Variants in POLR1A observed in about 807,000 individuals in gnomAD.
POLR1A encodes the protein DNA-directed RNA polymerase I subunit RPA1.
A neutral mutation model predicts 205.3 loss-of-function variants in POLR1A; 84 were observed. The observed-to-expected ratio is 0.41, with a 90% confidence interval of 0.34 to 0.49. POLR1A has a LOEUF of 0.49. Ranked by LOEUF, POLR1A falls within the 20% of genes least tolerant of loss-of-function variation. The pLI is 0.22. For synonymous variants in POLR1A, 799 were observed against 863.7 expected, an observed-to-expected ratio of 0.93 and a Z score of 1.31; for missense variants, 1,645 against 2,204.5, an observed-to-expected ratio of 0.75 and a Z score of 5.08.
At chr2:86,085,011 G>A (rs1373193634) in intron 6 of POLR1A, among the ~76,000 whole-genome samples, 1 of 152,124 alleles carries the variant, frequency 6.6e-6, no homozygotes, top group East Asian at 1.9e-4. Context: ...GACCAGGCTG[G>A]AGTGCAGTGG....
chr2:86,052,775 G>T, intron 16 of POLR1A, 42 bp downstream of exon 16: 1 of 1,450,102 alleles, frequency 6.9e-7, no homozygotes, highest in Non-Finnish European at 9.2e-7. Context: ...AGGCGGCTGC[G>T]CTGACGGGTC....
intron 21 of POLR1A, among the ~76,000 whole-genome samples, chr2:86,044,947 A>G (rs1285230249): frequency 6.6e-6 from 1 of 152,088 alleles, no homozygotes; most frequent in Admixed American, 6.5e-5. Flanking sequence ...ACAGAGCTCA[A>G]TGTTAGTCAC....
intron 6 of POLR1A, among the ~76,000 whole-genome samples, chr2:86,084,715 G>A (rs1460031034): frequency 6.1e-5 from 9 of 147,030 alleles, no homozygotes; most frequent in African/African-American, 2.3e-4. Context: ...CACCCAGGCT[G>A]GAGTGCAGCG....
At chr2:86,088,365 C>T (rs1199274709) in intron 6 of POLR1A, among the ~76,000 whole-genome samples, 3 of 152,244 alleles carry the variant, frequency 2.0e-5, no homozygotes, top group African/African-American at 7.2e-5. Flanking sequence ...CAGCCCCTCC[C>T]ATCAGCTCTC....
At chr2:86,043,275 G>A (rs1672651226) in intron 22 of POLR1A, 80 bp from the exon 23 acceptor site, 1 of 1,212,198 alleles carries the variant, frequency 8.2e-7, no homozygotes, top group South Asian at 1.3e-5. Context: ...AGAGGGCCAT[G>A]GAGCACAAAT....
At chr2:86,074,193 A>G (rs924784349) in intron 12 of POLR1A, among the ~76,000 whole-genome samples, 1 of 152,180 alleles carries the variant, frequency 6.6e-6, no homozygotes, top group African/African-American at 2.4e-5. Flanking sequence ...GGTTCCTCCA[A>G]AGTTCCTTCA....
intron 18 of POLR1A, 125 bp from the exon 19 acceptor site, chr2:86,047,388 C>T: frequency 1.5e-6 from 1 of 654,402 alleles, no homozygotes; most frequent in South Asian, 1.8e-5. Context: ...AGTACCAAAT[C>T]CCACTCGAGG....
chr2:86,067,240 C>T (rs1558775231), intron 13 of POLR1A, among the ~76,000 whole-genome samples: 1 of 152,132 alleles, frequency 6.6e-6, no homozygotes, highest in Non-Finnish European at 1.5e-5. Flanking sequence ...GAATCAAAAC[C>T]CCAGACAATT....
intron 3 of POLR1A, among the ~76,000 whole-genome samples, chr2:86,093,251 G>C (rs554183323): frequency 2.0e-5 from 3 of 152,144 alleles, no homozygotes; most frequent in Non-Finnish European, 2.9e-5. Context: ...TGTCGAAAGG[G>C]TTCCCTATTT....
chr2:86,064,348 A>G (rs1301860845), intron 14 of POLR1A, among the ~76,000 whole-genome samples: 2 of 152,198 alleles, frequency 1.3e-5, no homozygotes, highest in Non-Finnish European at 2.9e-5. Context: ...TCACATAGCC[A>G]ATTAGAAGTT....
In POLR1A at chr2:86,065,413, C is replaced by T; in HGVS notation, c.1919G>A (p.Ser640Asn). ...GAAAAAGCAACCCCGAGTAGTCATGCTTGCCCCTGAAACCATGTGATCCTG... is the reference window on the plus strand; with the variant it reads ...GAAAAAGCAACCCCGAGTAGTCATGTTTGCCCCTGAAACCATGTGATCCTG... ...LIQDHMVSGA[S>N]MTTRGCFFTR... The change falls in exon 14 of 34, where the codon AGC becomes AAC. Residue 640 changes from serine to asparagine, a missense_variant. Coordinates refer to ENST00000263857, the MANE Select transcript of POLR1A (RefSeq NM_015425.6). 1 of 1,614,190 alleles carries T rather than the reference C, an allele frequency of 6.2e-7. No individual in the cohort carries two copies. Among genetic ancestry groups the T allele is most frequent in the Non-Finnish European group, 8.5e-7 (1 of 1,180,018 alleles).
intron 3 of POLR1A, among the ~76,000 whole-genome samples, chr2:86,093,338 T>C (rs1673643146): frequency 6.6e-6 from 1 of 152,206 alleles, no homozygotes; most frequent in South Asian, 2.1e-4. Context: ...GAAATCTATC[T>C]TTCTTGAACC....
At chr2:86,046,500 G>C (rs1282635179) in intron 19 of POLR1A, among the ~76,000 whole-genome samples, 1 of 152,084 alleles carries the variant, frequency 6.6e-6, no homozygotes, top group Non-Finnish European at 1.5e-5. Flanking sequence ...AGGTCACCAA[G>C]GTTTAAGGTT....
chr2:86,052,245 G>A lies in POLR1A; in HGVS notation c.2392+572C>T, dbSNP rs566578932. ...CAGGTGTGATCCACTGCACCCAGCC[G>A]GCAGTGGGCAGTTCTGACAAAAGGG... is the stretch of plus-strand genomic sequence containing the variant. On this transcript the variant is annotated intron_variant, in intron 16 of 33. Coordinates refer to ENST00000263857, the MANE Select transcript of POLR1A (RefSeq NM_015425.6). Among the ~76,000 whole-genome samples the A allele has an allele frequency of 3.0e-4, 46 of 152,258 alleles. 1 individual carries two copies. Among genetic ancestry groups the A allele is most frequent in the African/African-American group, 1.1e-3 (45 of 41,556 alleles).
chr2:86,028,047 T>C lies in POLR1A; in HGVS notation c.4900A>G (p.Ile1634Val), dbSNP rs912717971. The C allele has an allele frequency of 3.7e-6, 6 of 1,614,008 alleles. No homozygotes were observed. In the African/African-American group the frequency reaches 5.3e-5, roughly 14 times the overall value. Residue 1634 changes from isoleucine (I) to valine (V), a missense_variant and splice_region_variant, in exon 33 of 34, where the codon ATC becomes GTC. Ile to Val is a conservative substitution (Grantham distance 29). Coordinates refer to ENST00000263857, the MANE Select transcript of POLR1A (RefSeq NM_015425.6). The surrounding 1 kb of genome is among the most constrained non-coding windows in gnomAD (Gnocchi z 4.5). Reference protein sequence around the residue: ...EIKDVFAVYGIAVDPRHLSLV... With the variant: ...EIKDVFAVYGVAVDPRHLSLV... The stretch of plus-strand genomic sequence containing the variant: ...GAGAGATGGCGAGGGTCGACCGCGA[T>C]GCCTGTCAAACGGGAGGTAAAATTA...
At chr2:86,041,179 GTGTGT>G (rs1417933393) in intron 24 of POLR1A, among the ~76,000 whole-genome samples, 12 of 99,612 alleles carry the variant, frequency 1.2e-4, no homozygotes, top group African/African-American at 4.6e-4. Flanking sequence ...GTGTGTGTGT[GTGTGT>G]GTGTGTGCGC....
intron 27 of POLR1A, among the ~76,000 whole-genome samples, chr2:86,038,168 TGGACAGGAACTCG>T (rs1213135085): frequency 6.6e-6 from 1 of 152,208 alleles, no homozygotes; most frequent in African/African-American, 2.4e-5. Context: ...TTTTCCCTAC[TGGACAGGAACTCG>T]GGACAGGAAC....
chr2:86,039,204 TC>T (rs1401522765), intron 26 of POLR1A, 122 bp downstream of exon 26: 1 of 1,073,814 alleles, frequency 9.3e-7, no homozygotes, highest in Non-Finnish European at 1.4e-6. Context: ...AGACAGCTTA[TC>T]TCTCATTGGT....
Position 86,070,702 on chromosome 2 carries a change from CCCG to C in POLR1A, c.1612-433_1612-431del, listed in dbSNP as rs372535449. Among the ~76,000 whole-genome samples, 2,992 of 111,302 alleles carry C rather than the reference CCCG, an allele frequency of 0.027. 53 individuals carry two copies. Among genetic ancestry groups the C allele is most frequent in the African/African-American group, 0.067 (1,883 of 28,082 alleles). 73.0% of individuals were successfully genotyped at this position (111,302 alleles called of 152,430 possible). On this transcript the variant is annotated intron_variant, in intron 12 of 33. Transcript: ENST00000263857. The surrounding 1 kb of genome is among the most constrained non-coding windows in gnomAD (Gnocchi z 4.4). ...CATTGGCAGACTTTCGAATCCCCCC[CCCG>C]CCGTGATCACATGTGAGTACATTAT...
Sources: allele counts gnomAD v4.1 joint callset (sites outside exome capture counted in the v4.1 genomes callset), GRCh38; gene constraint gnomAD v4.1.1; non-coding constraint Gnocchi (gnomAD v3.1); transcripts MANE v1.5; gene names NCBI Gene and HGNC (gene_info 2026-07-23, HGNC 2026-07-21).